The following TENM3 variants were observed in gnomAD, a reference collection of about 807,000 sequenced individuals.
The protein encoded by TENM3 is teneurin-3.
Under a neutral mutation model 255.1 loss-of-function variants are expected in TENM3, and 63 were observed. The ratio of observed to expected loss-of-function variants is 0.25; its 90% confidence interval spans 0.20 to 0.30. The LOEUF (loss-of-function observed/expected upper bound fraction) is 0.30, where lower values mean the gene tolerates loss of function less well. Among genes scored for constraint, TENM3 ranks in the 10% least tolerant of loss-of-function variants. The pLI is 1.00. For missense variants in TENM3, 2,929 were observed against 3,461.1 expected, an observed-to-expected ratio of 0.85 and a Z score of 3.86; for synonymous variants, 1,306 against 1,322.3, an observed-to-expected ratio of 0.99 and a Z score of 0.27.
chr4:182,502,945 G>A (rs1198903747), intron 3 of TENM3, among the ~76,000 whole-genome samples: 1 of 106,536 alleles, frequency 9.4e-6, no homozygotes, highest in Non-Finnish European at 1.8e-5. Context: ...TTACTTACCT[G>A]CATATGTCTG....
the TENM3 span, among the ~76,000 whole-genome samples, chr4:181,628,164 G>A: frequency 6.6e-6 from 1 of 152,082 alleles, no homozygotes; most frequent in South Asian, 2.1e-4. Context: ...CCTATCCTTG[G>A]CCCACTTTTT....
rs112836466 is a variant in TENM3 at position 182,394,244 on chromosome 4, T to C, written c.511+47315T>C. Among the ~76,000 whole-genome samples the C allele has an allele frequency of 8.9e-4, 135 of 152,218 alleles. 1 individual carries two copies. The highest frequency in any genetic ancestry group is 3.1e-3 in the African/African-American group (127 of 41,542). ...TATATTTATTTCCCTAGGGAAGAAA[T>C]CTGAGAATTTTTTTTTTATTATGGG... On this transcript the variant is annotated intron_variant, in intron 3 of 27. Transcript: ENST00000511685.
the TENM3 span, among the ~76,000 whole-genome samples, chr4:181,717,705 T>C: frequency 6.6e-6 from 1 of 152,202 alleles, no homozygotes; most frequent in Non-Finnish European, 1.5e-5. Flanking sequence ...GTGATAAATC[T>C]CTTGTGAACT....
intron 3 of TENM3, among the ~76,000 whole-genome samples, chr4:182,532,004 T>C (rs1739828184): frequency 6.6e-6 from 1 of 152,202 alleles, no homozygotes; most frequent in South Asian, 2.1e-4. Flanking sequence ...CTATGTGAAC[T>C]CTGTTTTTTG....
chr4:182,422,741 T>G (rs1021357539), intron 3 of TENM3, among the ~76,000 whole-genome samples: 1 of 152,240 alleles, frequency 6.6e-6, no homozygotes, highest in East Asian at 1.9e-4. Flanking sequence ...TTTTTTTTAC[T>G]GCTTATTGTA....
At chr4:181,697,447 G>A in the TENM3 span, among the ~76,000 whole-genome samples, 2 of 152,150 alleles carry the variant, frequency 1.3e-5, no homozygotes, top group African/African-American at 2.4e-5. Flanking sequence ...AGGCTGGAGT[G>A]CAGTGGCGTG....
intron 1 of TENM3, among the ~76,000 whole-genome samples, chr4:182,206,650 CAT>C (rs1268670005): frequency 5.3e-5 from 8 of 152,192 alleles, no homozygotes; most frequent in Admixed American, 5.2e-4. Context: ...GTGCTTGCTT[CAT>C]GTCAGTTACT....
At chr4:181,906,512 C>T in the TENM3 span, 9 of 152,656 alleles carry the variant, frequency 5.9e-5, no homozygotes, top group Non-Finnish European at 1.0e-4. Context: ...GAAACTACCT[C>T]GGATTCTCCT....
At chr4:182,731,486 G>A (rs1475839667) in intron 16 of TENM3, among the ~76,000 whole-genome samples, 1 of 151,882 alleles carries the variant, frequency 6.6e-6, no homozygotes, top group Non-Finnish European at 1.5e-5. Context: ...CTCCAGCCTG[G>A]GTGACACAGT....
At chr4:182,382,154 T>C (rs1354727917) in intron 3 of TENM3, among the ~76,000 whole-genome samples, 1 of 152,214 alleles carries the variant, frequency 6.6e-6, no homozygotes, top group Non-Finnish European at 1.5e-5. Context: ...TCGCTAAAGA[T>C]AAGATCATAT....
At chr4:181,696,479 A>G in the TENM3 span, among the ~76,000 whole-genome samples, 4 of 152,242 alleles carry the variant, frequency 2.6e-5, no homozygotes, top group African/African-American at 9.6e-5. Flanking sequence ...ACGTATTAAC[A>G]TGAAACATTC....
At chr4:181,548,126 A>G in the TENM3 span, among the ~76,000 whole-genome samples, 4 of 152,278 alleles carry the variant, frequency 2.6e-5, no homozygotes, top group East Asian at 7.7e-4. Context: ...ATCTCACACC[A>G]GTTAGAACGG....
the TENM3 span, among the ~76,000 whole-genome samples, chr4:181,934,827 T>C: frequency 6.6e-6 from 1 of 152,170 alleles, no homozygotes; most frequent in East Asian, 1.9e-4. Flanking sequence ...AATTTTGCAT[T>C]TTAATTCACA....
chr4:181,940,841 G>A, the TENM3 span, among the ~76,000 whole-genome samples: 1 of 152,178 alleles, frequency 6.6e-6, no homozygotes, highest in Admixed American at 6.5e-5. Context: ...AAGTCTATGA[G>A]GAGAGTATTA....
At chr4:181,794,011 T>C in the TENM3 span, among the ~76,000 whole-genome samples, 1 of 152,200 alleles carries the variant, frequency 6.6e-6, no homozygotes, top group Non-Finnish European at 1.5e-5. Context: ...CCAAAAACAT[T>C]TTGATTTAAG....
At chr4:182,549,045 AG>A (rs1337122459) in intron 3 of TENM3, among the ~76,000 whole-genome samples, 1 of 152,240 alleles carries the variant, frequency 6.6e-6, no homozygotes, top group Non-Finnish European at 1.5e-5. Context: ...AACTTAACTA[AG>A]TGAGCAGTAG....
intron 2 of TENM3, 98 bp from the exon 3 acceptor site, chr4:182,346,553 G>A (rs1764821481): frequency 9.0e-7 from 1 of 1,114,888 alleles, no homozygotes; most frequent in African/African-American, 1.7e-5. Context: ...ATGTTTGAGT[G>A]TTTATTTCTG....
In TENM3 at chr4:182,672,964, A is replaced by T. The variant is rs3749508; in HGVS notation, c.1112-41A>T. 385,332 of 1,336,376 alleles carry T rather than the reference A, an allele frequency of 0.29. 58,704 individuals carry two copies. Among genetic ancestry groups the T allele is most frequent in the East Asian group, 0.54 (21,176 of 39,002 alleles). 82.8% of individuals were successfully genotyped at this position (1,336,376 alleles called of 1,614,324 possible). A position where few individuals can be genotyped will look rare whatever the true frequency, so the allele number is the denominator to read the frequency against. On this transcript the variant is annotated intron_variant, in intron 6 of 27. Coordinates refer to ENST00000511685, the MANE Select transcript of TENM3 (RefSeq NM_001080477.4). ...AAAACCTTTTTTGTTTTGTTTTTTT[A>T]AAAAAAATTTGTTCTTCATCAGTGC...
Position 182,448,054 on chromosome 4 carries a change from G to T in TENM3, c.511+101125G>T, listed in dbSNP as rs1773072883. Among the ~76,000 whole-genome samples, 5 of 152,272 alleles carry T rather than the reference G, an allele frequency of 3.3e-5. No individual in the cohort carries two copies. In the South Asian group the frequency reaches 1.0e-3, roughly 31 times the overall value. On this transcript the variant is annotated intron_variant, in intron 3 of 27. Transcript: ENST00000511685. ...ACCACATGAGCTATTCCGGATCAGG[G>T]CTGTCCAGCCCTGGTATATCATGGA...
Sources: gnomAD v4.1 joint callset for allele counts (sites outside exome capture counted in the v4.1 genomes callset) on GRCh38, gnomAD v4.1.1 for gene constraint, MANE v1.5 for transcripts, NCBI Gene and HGNC (gene_info 2026-07-23, HGNC 2026-07-21) for gene names.